Variants in KMT2C observed in about 807,000 individuals in gnomAD.
KMT2C encodes the protein lysine methyltransferase 2C.
KMT2C carries 88 observed loss-of-function variants against 507.9 expected under a neutral mutation model. The observed-to-expected ratio is 0.17, with a 90% CI of 0.15 to 0.21. The LOEUF (loss-of-function observed/expected upper bound fraction) is 0.21. Among genes scored for constraint, KMT2C ranks in the 10% least tolerant of loss-of-function variants. The pLI is 1.00. For missense variants in KMT2C, 4,954 were observed against 5,957.8 expected (o/e 0.83, Z 5.55); for synonymous variants, 2,049 against 2,080.8 (o/e 0.98, Z 0.42).
In KMT2C at chr7:152,243,159, T is replaced by C. The variant is rs1175470854; in HGVS notation, c.2533-4333A>G. On this transcript the variant is annotated intron_variant, in intron 14 of 58. Coordinates refer to ENST00000262189, the MANE Select transcript of KMT2C (RefSeq NM_170606.3). Reference sequence around the variant, plus strand: ...TAGAACAAGAAATTAGACCTAATCCTGTTTTGATAACTACAGAAACAGCTA... The same window carrying C: ...TAGAACAAGAAATTAGACCTAATCCCGTTTTGATAACTACAGAAACAGCTA... 3.3e-5 allele frequency among the ~76,000 whole-genome samples: 5 copies of C among 152,350 alleles called. No individual in the cohort carries two copies. The East Asian group carries it at 9.6e-4, about 29-fold the overall frequency.
chr7:152,283,934 A>T (rs2096258534), intron 6 of KMT2C, among the ~76,000 whole-genome samples: 1 of 152,208 alleles, frequency 6.6e-6, no homozygotes, highest in Non-Finnish European at 1.5e-5. Context: ...AATCTTTTAC[A>T]TCACTAGTAA....
rs140919432 is a variant in KMT2C, at chr7:152,252,613, G to C, written c.1402C>G (p.Pro468Ala). 33 of 1,613,208 alleles carry C rather than the reference G, an allele frequency of 2.0e-5. No homozygotes were observed. Among genetic ancestry groups the C allele is most frequent in the Non-Finnish European group, 2.8e-5 (33 of 1,179,406 alleles). Residue 468 changes from proline to alanine, a missense_variant, in exon 10 of 59, where the codon CCC becomes GCC. Pro to Ala is a conservative substitution (Grantham distance 27). This residue lies in a region of KMT2C where 376 missense variants were observed against 352.4 expected (regional missense o/e 1.07). Coordinates refer to ENST00000262189, the MANE Select transcript of KMT2C (RefSeq NM_170606.3). The stretch of plus-strand genomic sequence containing the variant: ...GGATGATAACACTTCCCACAGAAGG[G>C]ACATAAGTTATCCTGCTGTTGGTAA... Reference protein sequence around the residue: ...NCYQQQDNLCPFCGKCYHPEL... With the variant: ...NCYQQQDNLCAFCGKCYHPEL...
At chr7:152,251,043 G>A in intron 11 of KMT2C, 77 bp from the exon 12 acceptor site, 1 of 799,194 alleles carries the variant, frequency 1.3e-6, no homozygotes, top group Non-Finnish European at 2.1e-6. Context: ...TTATGATTTT[G>A]TATGAGTAAG....
chr7:152,367,796 C>G, intron 1 of KMT2C: 1 of 948,376 alleles, frequency 1.1e-6, no homozygotes, highest in Admixed American at 1.7e-5. Flanking sequence ...CACGAGTGAA[C>G]AGACGTCAGA....
In KMT2C at chr7:152,203,368, C is replaced by T. The variant is rs142583033; in HGVS notation, c.3962-304G>A. ...TAATAATAATAATAAATACCCAAAG[C>T]TCATGAGTATGACGAAATGGCAACT... On this transcript the variant is annotated intron_variant, in intron 25 of 58. Coordinates refer to ENST00000262189, the MANE Select transcript of KMT2C (RefSeq NM_170606.3). Among the ~76,000 whole-genome samples the T allele has an allele frequency of 3.3e-5, 5 of 151,802 alleles. No individual in the cohort carries two copies. The East Asian group carries it at 7.7e-4, about 23-fold the overall frequency.
intron 2 of KMT2C, among the ~76,000 whole-genome samples, chr7:152,357,841 C>T (rs2097164900): frequency 6.6e-6 from 1 of 152,104 alleles, no homozygotes; most frequent in African/African-American, 2.4e-5. Flanking sequence ...ATTTTAAAAT[C>T]TATAACAATT....
chr7:152,231,218 T>C (rs1263612829), intron 16 of KMT2C, among the ~76,000 whole-genome samples: 1 of 152,234 alleles, frequency 6.6e-6, no homozygotes, highest in African/African-American at 2.4e-5. Context: ...CCAATATTGC[T>C]CAGTCTGGAC....
rs114805596 is a variant in KMT2C at position 152,342,494 on chromosome 7, C to A, written c.251-11755G>T. Among the ~76,000 whole-genome samples the A allele has an allele frequency of 8.1e-3, 1,235 of 152,256 alleles. 18 individuals carry two copies. The highest frequency in any genetic ancestry group is 0.029 in the African/African-American group (1,190 of 41,554). The stretch of plus-strand genomic sequence containing the variant: ...AAGCTAAACTGAAAAATCAACAACT[C>A]TTGCTAGAACCATAAGGTCAATAAA... On this transcript the variant is annotated intron_variant, in intron 2 of 58. Coordinates refer to ENST00000262189, the MANE Select transcript of KMT2C (RefSeq NM_170606.3).
Position 152,199,296 on chromosome 7 carries a change from G to A in KMT2C, c.4256C>T (p.Thr1419Ile). 1 of 1,596,258 alleles carries A rather than the reference G, an allele frequency of 6.3e-7. No individual in the cohort carries two copies. The highest frequency in any genetic ancestry group is 1.2e-5 in the South Asian group (1 of 86,454). ...CTACATACCGTGAGTTCCAGATTTT[G>A]TTGGAGCCGAGGATGAACTAAGTAG... ...DPLLSSSSAP[T>I]KSGTHGPADD... Residue 1419 changes from threonine (T) to isoleucine (I), a missense_variant, in exon 27 of 59, where the codon ACA (threonine) becomes ATA (isoleucine). Thr to Ile is a moderately conservative substitution (Grantham distance 89, BLOSUM62 -1). Transcript: ENST00000262189.
intron 28 of KMT2C, 75 bp from the exon 29 acceptor site, chr7:152,194,643 G>C (rs1268336424): frequency 9.1e-7 from 1 of 1,099,792 alleles, no homozygotes; most frequent in Non-Finnish European, 1.4e-6. Flanking sequence ...CTATTTACCT[G>C]TACTTAGTAT....
intron 39 of KMT2C, among the ~76,000 whole-genome samples, chr7:152,173,777 G>C (rs1410118504): frequency 6.6e-6 from 1 of 152,012 alleles, no homozygotes; most frequent in Non-Finnish European, 1.5e-5. Flanking sequence ...ATCACTCAGT[G>C]TCTTAACTGA....
At chr7:152,371,453 G>A (rs1177373052) in intron 1 of KMT2C, among the ~76,000 whole-genome samples, 3 of 152,084 alleles carry the variant, frequency 2.0e-5, no homozygotes, top group South Asian at 4.1e-4. Context: ...AAGGAAGACA[G>A]CAAGAGAGGA....
chr7:152,220,096 CTGG>C (rs1265850884), intron 23 of KMT2C: 1 of 169,898 alleles, frequency 5.9e-6, no homozygotes, highest in Non-Finnish European at 1.3e-5. Context: ...ATGATGCACA[CTGG>C]TGAATATGAA....
At chr7:152,212,060 AAAGAG>A (rs531444215) in intron 23 of KMT2C, among the ~76,000 whole-genome samples, 38 of 152,268 alleles carry the variant, frequency 2.5e-4, no homozygotes, top group African/African-American at 6.7e-4. Context: ...GAAACGAAGA[AAAGAG>A]AAGAGAAGAG....
At chr7:152,211,980 A>T (rs1444561292) in intron 23 of KMT2C, among the ~76,000 whole-genome samples, 2 of 152,128 alleles carry the variant, frequency 1.3e-5, no homozygotes, top group Admixed American at 6.5e-5. Context: ...CCTGGGAGGC[A>T]GAGCTTGCAG....
intron 38 of KMT2C, 108 bp downstream of exon 38, chr7:152,176,083 C>T (rs1278561337): frequency 7.8e-6 from 9 of 1,156,516 alleles, no homozygotes; most frequent in East Asian, 2.4e-5. Flanking sequence ...AATAGAAAAA[C>T]TCAGTGCTTT....
In KMT2C at chr7:152,158,858, C is replaced by T. The variant is rs1308029078; in HGVS notation, c.11670+5G>A. The T allele has an allele frequency of 1.9e-6, 3 of 1,613,688 alleles. No individual in the cohort carries two copies. The highest frequency in any genetic ancestry group is 1.7e-5 in the Admixed American group (1 of 60,022). ...AAGAGGCTGCTCTAAATGACTCACCCTCACCTGTTTCAAGTGGGTAAACGT... is the reference window on the plus strand; with the variant it reads ...AAGAGGCTGCTCTAAATGACTCACCTTCACCTGTTTCAAGTGGGTAAACGT... On this transcript the variant is annotated splice_donor_5th_base_variant and intron_variant, in intron 44 of 58. Coordinates refer to ENST00000262189, the MANE Select transcript of KMT2C (RefSeq NM_170606.3).
intron 1 of KMT2C, among the ~76,000 whole-genome samples, chr7:152,387,622 C>G (rs1390743039): frequency 6.6e-6 from 1 of 152,204 alleles, no homozygotes; most frequent in Non-Finnish European, 1.5e-5. Context: ...AGGCGCCCAC[C>G]ACCATACCCG....
Position 152,154,273 on chromosome 7 carries a change from C to G in KMT2C, c.12133G>C (p.Gly4045Arg). 1 of 1,613,998 alleles carries G rather than the reference C, an allele frequency of 6.2e-7. No homozygotes were observed. The highest frequency in any genetic ancestry group is 8.5e-7 in the Non-Finnish European group (1 of 1,179,898). Residue 4045 changes from glycine (G) to arginine (R), a missense_variant, in exon 47 of 59, where the codon GGG becomes CGG. Gly to Arg is a moderately radical substitution (Grantham distance 125, BLOSUM62 -2). Coordinates refer to ENST00000262189, the MANE Select transcript of KMT2C (RefSeq NM_170606.3). Reference protein sequence around the residue: ...PIIPILPSTAGKSSESRRNDI... With the variant: ...PIIPILPSTARKSSESRRNDI... ...GGTTAAGTGTTGTTCTTACTTTTCCCAGCAGTGCTAGGAAGAATTGGAATG... is the reference window on the plus strand; with the variant it reads ...GGTTAAGTGTTGTTCTTACTTTTCCGAGCAGTGCTAGGAAGAATTGGAATG...
Sources: gnomAD v4.1 joint callset for allele counts (sites outside exome capture counted in the v4.1 genomes callset) on GRCh38, gnomAD v4.1.1 for gene constraint, gnomAD v4.1.1 regional missense constraint, MANE v1.5 for transcripts, NCBI Gene and HGNC (gene_info 2026-07-23, HGNC 2026-07-21) for gene names.